Variants in SEMA3E observed in about 807,000 individuals in gnomAD.
The protein encoded by SEMA3E is semaphorin 3E.
SEMA3E carries 49 observed loss-of-function variants against 93.6 expected under a neutral mutation model. That is an observed-to-expected ratio of 0.52 (90% CI 0.42 to 0.66). The LOEUF (loss-of-function observed/expected upper bound fraction) is 0.66, where lower values mean the gene tolerates loss of function less well. Ranked by LOEUF, SEMA3E falls within the 30% of genes least tolerant of loss-of-function variation. The pLI, the probability that SEMA3E is intolerant of heterozygous loss-of-function variation, is 0.00. For missense variants in SEMA3E, 906 were observed against 964.8 expected (o/e 0.94, Z 0.81); for synonymous variants, 363 against 330.7 (o/e 1.10, Z -1.06).
At chr7:83,537,044 C>T (rs1381009150) in intron 1 of SEMA3E, among the ~76,000 whole-genome samples, 6 of 151,642 alleles carry the variant, frequency 4.0e-5, no homozygotes, top group African/African-American at 1.2e-4. Context: ...CCCCCCTTCT[C>T]TCTCTCTCTC....
intron 14 of SEMA3E, among the ~76,000 whole-genome samples, chr7:83,391,117 A>C (rs983700732): frequency 6.6e-6 from 1 of 152,140 alleles, no homozygotes; most frequent in Non-Finnish European, 1.5e-5. Flanking sequence ...ATGGTACGGC[A>C]TGCTTGTTTT....
rs1306947624 is a variant in SEMA3E at position 83,648,558 on chromosome 7, G to A, written c.-16C>T. 1.9e-6 allele frequency: 3 copies of A among 1,584,712 alleles called. No homozygotes were observed. The highest frequency in any genetic ancestry group is 2.6e-6 in the Non-Finnish European group (3 of 1,154,086). On this transcript the variant is annotated 5_prime_UTR_variant, in exon 1 of 17. It adds an upstream start codon to the 5' untranslated region. Transcript: ENST00000643230. Reference sequence around the variant, plus strand: ...CGGATGCCATGCTGCCGTGTTCACCGTCCAAGCCCTCGCTCCTCACTTTAA... The same window carrying A: ...CGGATGCCATGCTGCCGTGTTCACCATCCAAGCCCTCGCTCCTCACTTTAA...
chr7:83,368,802 T>C lies in SEMA3E; in HGVS notation c.1876-764A>G, dbSNP rs148597518. ...ATAATTCAGAGTAAGAAGAGCAAGA[T>C]AAGGCTTTCAACGAATAGCTCATGT... On this transcript the variant is annotated intron_variant, in intron 16 of 16. Transcript: ENST00000643230. 2.9e-3 allele frequency among the ~76,000 whole-genome samples: 436 copies of C among 152,334 alleles called. 2 individuals are homozygous for C. The highest frequency in any genetic ancestry group is 8.5e-3 in the African/African-American group (354 of 41,578).
At chr7:83,400,395 CT>C (rs1009067540) in intron 10 of SEMA3E, 145 bp from the exon 11 acceptor site, 258 of 772,036 alleles carry the variant, frequency 3.3e-4, no homozygotes, top group Non-Finnish European at 4.3e-4. Flanking sequence ...ATATATTTTT[CT>C]TTTTTTTTAA....
chr7:83,441,013 G>A (rs1419865932), intron 4 of SEMA3E, among the ~76,000 whole-genome samples: 3 of 152,140 alleles, frequency 2.0e-5, no homozygotes, highest in Admixed American at 6.6e-5. Flanking sequence ...AAACCTGGTT[G>A]TTTTGAAGAG....
rs2115641011 is a variant in SEMA3E, at chr7:83,405,518, C to T, written c.930G>A (p.Glu310=). 11 of 1,612,746 alleles carry T rather than the reference C, an allele frequency of 6.8e-6. No individual in the cohort carries two copies. The highest frequency in any genetic ancestry group is 9.3e-6 in the Non-Finnish European group (11 of 1,179,148). ...NGIDTYFDEL[E]DVFLLPTRDH... ...CTCTGGTAGGTAGCAAAAAAACGTC[C>T]TCTGAAAAATTAAAGGCCATTCCAT... The change falls in exon 9 of 17, where the codon GAG becomes GAA. Residue 310 remains glutamate, a splice_region_variant and synonymous_variant. Coordinates refer to ENST00000643230, the MANE Select transcript of SEMA3E (RefSeq NM_012431.3).
chr7:83,370,115 C>T (rs1249305000), intron 16 of SEMA3E, among the ~76,000 whole-genome samples: 1 of 152,094 alleles, frequency 6.6e-6, no homozygotes, highest in Non-Finnish European at 1.5e-5. Context: ...TTATTTCCAT[C>T]CATTTGATAG....
intron 1 of SEMA3E, among the ~76,000 whole-genome samples, chr7:83,507,434 GTGT>G (rs1790725987): frequency 1.8e-5 from 2 of 109,760 alleles, no homozygotes; most frequent in African/African-American, 4.3e-5. Flanking sequence ...CTGTGTGTGT[GTGT>G]GTGTGTGTGT....
intron 1 of SEMA3E, among the ~76,000 whole-genome samples, chr7:83,608,353 A>T (rs942246305): frequency 6.6e-6 from 1 of 152,178 alleles, no homozygotes. Flanking sequence ...CTATTACTGT[A>T]TTATTTTTTA....
chr7:83,478,697 C>G (rs943606272), intron 2 of SEMA3E, among the ~76,000 whole-genome samples: 5 of 152,154 alleles, frequency 3.3e-5, no homozygotes, highest in Non-Finnish European at 7.3e-5. Flanking sequence ...TCTACTAGTT[C>G]ATAACTATTA....
intron 1 of SEMA3E, among the ~76,000 whole-genome samples, chr7:83,646,877 G>A (rs1794085529): frequency 1.3e-5 from 2 of 152,026 alleles, no homozygotes; most frequent in Non-Finnish European, 2.9e-5. Flanking sequence ...GGTATAAAAT[G>A]TTAATACTAG....
chr7:83,513,838 T>A (rs1004599577), intron 1 of SEMA3E, among the ~76,000 whole-genome samples: 9 of 152,140 alleles, frequency 5.9e-5, no homozygotes, highest in African/African-American at 2.2e-4. Flanking sequence ...TTCAAGGCTT[T>A]TAATATAAAT....
chr7:83,368,111 A>G, intron 16 of SEMA3E, 73 bp from the exon 17 acceptor site: 1 of 1,357,896 alleles, frequency 7.4e-7, no homozygotes, highest in South Asian at 1.2e-5. Flanking sequence ...CCTTTCCACT[A>G]CCTATCTTGA....
intron 1 of SEMA3E, among the ~76,000 whole-genome samples, chr7:83,578,652 G>C (rs1792457786): frequency 6.6e-6 from 1 of 152,028 alleles, no homozygotes; most frequent in African/African-American, 2.4e-5. Flanking sequence ...AAAACAAATG[G>C]TAGAAAAACT....
intron 1 of SEMA3E, among the ~76,000 whole-genome samples, chr7:83,490,746 A>G (rs1323324643): frequency 2.0e-5 from 3 of 152,060 alleles, no homozygotes; most frequent in Non-Finnish European, 4.4e-5. Flanking sequence ...CAATACAATG[A>G]GGCATTAATG....
intron 1 of SEMA3E, among the ~76,000 whole-genome samples, chr7:83,507,810 G>T (rs1015869564): frequency 6.6e-6 from 1 of 151,936 alleles, no homozygotes; most frequent in Non-Finnish European, 1.5e-5. Context: ...AAAATGCCAG[G>T]CATGGTGGTG....
intron 4 of SEMA3E, among the ~76,000 whole-genome samples, chr7:83,438,324 A>C (rs1789044618): frequency 6.6e-6 from 1 of 152,144 alleles, no homozygotes; most frequent in South Asian, 2.1e-4. Flanking sequence ...TAAATTACTT[A>C]AGTAGCTTAC....
At chr7:83,415,682 A>C (rs367979101) in intron 5 of SEMA3E, among the ~76,000 whole-genome samples, 3 of 152,100 alleles carry the variant, frequency 2.0e-5, no homozygotes, top group Admixed American at 6.6e-5. Context: ...TTAAAATTGT[A>C]TCTAAAATTA....
chr7:83,520,495 G>A (rs577752900), intron 1 of SEMA3E, among the ~76,000 whole-genome samples: 6 of 152,102 alleles, frequency 3.9e-5, no homozygotes, highest in Non-Finnish European at 7.4e-5. Context: ...TCACCAGTGG[G>A]AAATTGAACA....
Sources: allele counts gnomAD v4.1 joint callset (sites outside exome capture counted in the v4.1 genomes callset), GRCh38; gene constraint gnomAD v4.1.1; transcripts MANE v1.5; gene names NCBI Gene and HGNC (gene_info 2026-07-23, HGNC 2026-07-21).